Variants in RNF214 observed in about 807,000 individuals in gnomAD.
RNF214 encodes ring finger protein 214.
A neutral mutation model predicts 75.9 loss-of-function variants in RNF214; 25 were observed. The observed-to-expected ratio is 0.33, with a 90% CI of 0.24 to 0.46. The LOEUF (loss-of-function observed/expected upper bound fraction) is 0.46. RNF214 is among the 20% of genes least tolerant of loss of function. The pLI, the probability that RNF214 is intolerant of heterozygous loss-of-function variation, is 1.00. For missense variants in RNF214, 725 were observed against 857.5 expected, an observed-to-expected ratio of 0.85 and a Z score of 1.93; for synonymous variants, 314 against 308.8, an observed-to-expected ratio of 1.02 and a Z score of -0.18.
chr11:117,279,776 A>G (rs958942281), intron 6 of RNF214, 132 bp from the exon 7 acceptor site: 5 of 584,706 alleles, frequency 8.6e-6, no homozygotes, highest in South Asian at 7.5e-5. Context: ...AAAAATAAGT[A>G]TAGTTAATAC....
intron 14 of RNF214, 142 bp from the exon 15 acceptor site, chr11:117,284,939 AAAAAG>A (rs1439708120): frequency 4.9e-6 from 3 of 609,746 alleles, no homozygotes; most frequent in East Asian, 2.8e-5. Context: ...CAAAAAAAGA[AAAAAG>A]AACAGCAACA....
intron 6 of RNF214, among the ~76,000 whole-genome samples, chr11:117,278,053 C>T (rs1460885059): frequency 6.6e-6 from 1 of 151,946 alleles, no homozygotes; most frequent in African/African-American, 2.4e-5. Flanking sequence ...ACCTGTAATC[C>T]CAGCACTTTG....
Position 117,282,434 on chromosome 11 carries a change from C to A in RNF214, c.1743C>A (p.Ile581=). The A allele has an allele frequency of 6.2e-7, 1 of 1,614,136 alleles. No individual in the cohort carries two copies. The highest frequency in any genetic ancestry group is 8.5e-7 in the Non-Finnish European group (1 of 1,180,012). ...KAQMTNILQQ[I]KTARTTMAGL... ...AGATGACCAACATTCTTCAGCAGATCAAGACAGCACGTACCACCATGGCAG... is the reference window on the plus strand; with the variant it reads ...AGATGACCAACATTCTTCAGCAGATAAAGACAGCACGTACCACCATGGCAG... Residue 581 remains isoleucine, a synonymous_variant, in exon 12 of 15, where the codon ATC becomes ATA. Transcript: ENST00000300650.
intron 10 of RNF214, 74 bp downstream of exon 10, chr11:117,281,772 T>C (rs2034132437): frequency 4.0e-6 from 6 of 1,513,648 alleles, no homozygotes; most frequent in South Asian, 1.1e-5. Context: ...GCGTGTTCTT[T>C]TTATGAAGAT....
At chr11:117,247,812 C>G (rs1417351717) in intron 6 of RNF214, among the ~76,000 whole-genome samples, 6 of 147,564 alleles carry the variant, frequency 4.1e-5, no homozygotes, top group Non-Finnish European at 7.4e-5. Flanking sequence ...GAGCTGAGAT[C>G]GTGCCACTGG....
Position 117,254,190 on chromosome 11 carries a change from A to C in RNF214, c.959+7242A>C, listed in dbSNP as rs916160037. 1.1e-4 allele frequency among the ~76,000 whole-genome samples: 16 copies of C among 152,200 alleles called. No homozygotes were observed. In the East Asian group the frequency reaches 3.1e-3, roughly 29 times the overall value. On this transcript the variant is annotated intron_variant, in intron 6 of 14. Transcript: ENST00000300650. ...CTTAAACCCGGGAGGTGGAGGTTGC[A>C]GTGAGCTGAGATCGCGCCACTGAAC...
At chr11:117,283,064 A>G in intron 13 of RNF214, 51 bp from the exon 14 acceptor site, 2 of 1,328,128 alleles carry the variant, frequency 1.5e-6, no homozygotes, top group Non-Finnish European at 1.1e-6. Flanking sequence ...ATAAAAGGCA[A>G]GGAGACCCAG....
intron 3 of RNF214, chr11:117,239,334 T>C (rs553595539): frequency 3.5e-6 from 2 of 565,328 alleles, no homozygotes; most frequent in East Asian, 5.9e-5. Context: ...TTATGGCAAG[T>C]AGGAACTTTA....
At chr11:117,275,429 C>A (rs2033997181) in intron 6 of RNF214, among the ~76,000 whole-genome samples, 1 of 151,746 alleles carries the variant, frequency 6.6e-6, no homozygotes, top group South Asian at 2.1e-4. Flanking sequence ...AAATTGAAAC[C>A]AAAAAATACA....
chr11:117,275,446 C>T (rs2033997434), intron 6 of RNF214, among the ~76,000 whole-genome samples: 2 of 151,994 alleles, frequency 1.3e-5, no homozygotes, highest in Non-Finnish European at 2.9e-5. Flanking sequence ...TACAAAGGAT[C>T]AATAAAATTA....
At chr11:117,248,185 C>T (rs1223130966) in intron 6 of RNF214, among the ~76,000 whole-genome samples, 1 of 152,156 alleles carries the variant, frequency 6.6e-6, no homozygotes, top group African/African-American at 2.4e-5. Flanking sequence ...ACGCCATTCT[C>T]CTGCCTCAGC....
At chr11:117,247,677 C>A (rs1410488847) in intron 6 of RNF214, among the ~76,000 whole-genome samples, 1 of 151,654 alleles carries the variant, frequency 6.6e-6, no homozygotes, top group Non-Finnish European at 1.5e-5. Context: ...ATGGTGAAAC[C>A]CCATCTCTAC....
At chr11:117,265,712 G>T (rs766311100) in intron 6 of RNF214, among the ~76,000 whole-genome samples, 12 of 152,076 alleles carry the variant, frequency 7.9e-5, no homozygotes, top group Non-Finnish European at 1.6e-4. Context: ...ACCGCGCCTG[G>T]CCATCTCTTA....
intron 5 of RNF214, among the ~76,000 whole-genome samples, chr11:117,245,127 G>T (rs2033180650): frequency 6.6e-6 from 1 of 150,712 alleles, no homozygotes; most frequent in Admixed American, 6.6e-5. Flanking sequence ...GAACCAGCCT[G>T]GGCAACATGG....
chr11:117,281,761 T>C, intron 10 of RNF214, 63 bp downstream of exon 10: 1 of 1,512,086 alleles, frequency 6.6e-7, no homozygotes, highest in Non-Finnish European at 9.2e-7. Context: ...CAGAGTCTTC[T>C]GCGTGTTCTT....
chr11:117,236,650 C>T (rs1314890276), intron 2 of RNF214, among the ~76,000 whole-genome samples: 2 of 152,194 alleles, frequency 1.3e-5, no homozygotes, highest in African/African-American at 4.8e-5. Context: ...TACGTGGTAA[C>T]ACATTTAATC....
In RNF214 at chr11:117,238,804, G is replaced by T; in HGVS notation, c.311G>T (p.Gly104Val). The change falls in exon 3 of 15, where the codon GGG becomes GTG. Residue 104 changes from glycine (G) to valine (V), a missense_variant. Gly to Val is a moderately radical substitution (Grantham distance 109). Around this residue, in one of 2 missense-constraint regions of RNF214, gnomAD observed 362 missense variants for 344.5 expected, o/e 1.05. Coordinates refer to ENST00000300650, the MANE Select transcript of RNF214 (RefSeq NM_207343.4). ...IATALCLSGS[G>V]SQSDLKDVAS... ...ACAGCCCTTTGTCTTTCTGGCAGTGGGTCTCAGTCTGATTTGAAGGATGTG... is the reference window on the plus strand; with the variant it reads ...ACAGCCCTTTGTCTTTCTGGCAGTGTGTCTCAGTCTGATTTGAAGGATGTG... The T allele has an allele frequency of 6.2e-7, 1 of 1,614,174 alleles. No homozygotes were observed. Among genetic ancestry groups the T allele is most frequent in the East Asian group, 2.2e-5 (1 of 44,886 alleles).
intron 6 of RNF214, among the ~76,000 whole-genome samples, chr11:117,270,958 A>G (rs2033899563): frequency 1.3e-5 from 2 of 152,028 alleles, no homozygotes; most frequent in South Asian, 2.1e-4. Flanking sequence ...GTGCAGTGGC[A>G]TGATCTTGGC....
chr11:117,282,035 C>G lies in RNF214; in HGVS notation c.1477C>G (p.Leu493Val), dbSNP rs1369988473. Residue 493 changes from leucine (L) to valine (V), a missense_variant, in exon 11 of 15, where the codon CTT becomes GTT. Physicochemically the swap from Leu to Val is conservative, Grantham distance 32. This residue lies in a region of RNF214 where 363 missense variants were observed against 513.0 expected (regional missense o/e 0.71). Coordinates refer to ENST00000300650, the MANE Select transcript of RNF214 (RefSeq NM_207343.4). ...SLSFPILNPA[L>V]SQPSQPSSPL... Reference sequence around the variant, plus strand: ...GTCTTTCCCAATCCTGAACCCTGCCCTTTCCCAGCCCAGCCAGCCTTCCTC... The same window carrying G: ...GTCTTTCCCAATCCTGAACCCTGCCGTTTCCCAGCCCAGCCAGCCTTCCTC... The G allele has an allele frequency of 1.9e-6, 3 of 1,614,102 alleles. No homozygotes were observed. Among genetic ancestry groups the G allele is most frequent in the Admixed American group, 1.7e-5 (1 of 60,002 alleles).
Sources: gnomAD v4.1 joint callset for allele counts (sites outside exome capture counted in the v4.1 genomes callset) on GRCh38, gnomAD v4.1.1 for gene constraint, gnomAD v4.1.1 regional missense constraint, MANE v1.5 for transcripts, NCBI Gene and HGNC (gene_info 2026-07-23, HGNC 2026-07-21) for gene names.